CA10: variants seen among roughly 807,000 people sequenced by gnomAD.
The protein encoded by CA10 is carbonic anhydrase 10 (inactive).
A neutral mutation model predicts 44.2 loss-of-function variants in CA10; 14 were observed. The observed-to-expected ratio is 0.32, with a 90% CI of 0.21 to 0.50. The LOEUF (loss-of-function observed/expected upper bound fraction) is 0.50, where lower values mean the gene tolerates loss of function less well. Ranked by LOEUF, CA10 falls within the 20% of genes least tolerant of loss-of-function variation. CA10 has a pLI of 0.99. For missense variants in CA10, 350 were observed against 409.7 expected, an observed-to-expected ratio of 0.85 and a Z score of 1.26; for synonymous variants, 159 against 141.6, an observed-to-expected ratio of 1.12 and a Z score of -0.87.
intron 3 of CA10, among the ~76,000 whole-genome samples, chr17:51,751,513 C>T (rs921856174): frequency 3.9e-5 from 6 of 152,182 alleles, no homozygotes; most frequent in East Asian, 1.9e-4. Context: ...GATGGTCACA[C>T]GTGTTCATTC....
chr17:51,820,435 G>T (rs1484797047), intron 3 of CA10, among the ~76,000 whole-genome samples: 1 of 101,450 alleles, frequency 9.9e-6, no homozygotes, highest in East Asian at 3.1e-4. Context: ...CGATTTTCCT[G>T]TACAAAGTTA....
At chr17:51,744,697 C>T (rs1197834896) in intron 4 of CA10, among the ~76,000 whole-genome samples, 1 of 152,104 alleles carries the variant, frequency 6.6e-6, no homozygotes, top group Non-Finnish European at 1.5e-5. Context: ...ATCACTGTAT[C>T]GTTTTCATCG....
chr17:51,704,206 A>G (rs1394962936), intron 4 of CA10, among the ~76,000 whole-genome samples: 1 of 152,076 alleles, frequency 6.6e-6, no homozygotes, highest in South Asian at 2.1e-4. Flanking sequence ...CTATCCACCT[A>G]TTCTTCCGGC....
chr17:52,078,982 C>T (rs938078259), intron 1 of CA10, among the ~76,000 whole-genome samples: 20 of 152,158 alleles, frequency 1.3e-4, no homozygotes, highest in African/African-American at 4.8e-4. Flanking sequence ...GAGAATATAT[C>T]TTATTTTAAA....
At chr17:51,872,243 CCA>C (rs1423722036) in intron 3 of CA10, among the ~76,000 whole-genome samples, 5 of 152,154 alleles carry the variant, frequency 3.3e-5, no homozygotes, top group Admixed American at 2.6e-4. Context: ...AGGGTTTATT[CCA>C]CAGAGTGACT....
At chr17:52,159,109 A>AGACCCAGGC (rs1989887470), upstream of CA10, among the ~76,000 whole-genome samples, 1 of 152,136 alleles carries the variant, frequency 6.6e-6, no homozygotes, top group Non-Finnish European at 1.5e-5. Context: ...TCGGCGCGGG[A>AGACCCAGGC]GACCCAGGCA....
intron 8 of CA10, among the ~76,000 whole-genome samples, chr17:51,632,579 C>T (rs148135811): frequency 3.3e-5 from 5 of 152,160 alleles, no homozygotes; most frequent in African/African-American, 4.8e-5. Context: ...TATCCAGGCT[C>T]TTGTTTGCTT....
chr17:52,123,371 GGTGTGT>G (rs34184028), intron 1 of CA10, among the ~76,000 whole-genome samples: 3 of 146,244 alleles, frequency 2.1e-5, no homozygotes, highest in Admixed American at 1.4e-4. Context: ...ATATATATGG[GGTGTGT>G]GTGTGTGTGT....
intron 4 of CA10, among the ~76,000 whole-genome samples, chr17:51,691,094 G>A (rs1168034607): frequency 1.3e-5 from 2 of 152,164 alleles, no homozygotes; most frequent in Non-Finnish European, 2.9e-5. Context: ...CATATATACA[G>A]TACAGGGATT....
chr17:51,968,252 CAGATATT>C (rs1984153534), intron 2 of CA10, among the ~76,000 whole-genome samples: 4 of 151,834 alleles, frequency 2.6e-5, no homozygotes, highest in Non-Finnish European at 4.4e-5. Context: ...AACCTGTATG[CAGATATT>C]TATAGCAGCA....
chr17:51,637,095 T>C (rs1394947972), intron 6 of CA10, among the ~76,000 whole-genome samples: 1 of 152,114 alleles, frequency 6.6e-6, no homozygotes, highest in Non-Finnish European at 1.5e-5. Flanking sequence ...TTAATTGCAA[T>C]GTATCTCTCC....
chr17:52,084,699 C>T (rs1988073132), intron 1 of CA10, among the ~76,000 whole-genome samples: 1 of 152,200 alleles, frequency 6.6e-6, no homozygotes, highest in Admixed American at 6.5e-5. Context: ...ATGATCACAA[C>T]TGTCTTCTGC....
intron 2 of CA10, among the ~76,000 whole-genome samples, chr17:52,065,417 G>A (rs1567721508): frequency 6.6e-6 from 1 of 152,138 alleles, no homozygotes; most frequent in Non-Finnish European, 1.5e-5. Flanking sequence ...AAGGAATATT[G>A]CTGTCTATTC....
intron 1 of CA10, among the ~76,000 whole-genome samples, chr17:52,097,321 G>A (rs760483181): frequency 6.6e-6 from 1 of 152,112 alleles, no homozygotes; most frequent in Non-Finnish European, 1.5e-5. Flanking sequence ...CTGAATCCCA[G>A]TGAGGCTGAA....
intron 3 of CA10, among the ~76,000 whole-genome samples, chr17:51,815,384 G>A (rs1026819402): frequency 1.3e-5 from 2 of 152,198 alleles, no homozygotes; most frequent in Non-Finnish European, 2.9e-5. Context: ...TCCGTTGCCT[G>A]AGAGTCAGTG....
At chr17:51,820,405 A>ACCCCCCCCC (rs748623140) in intron 3 of CA10, among the ~76,000 whole-genome samples, 1 of 39,172 alleles carries the variant, frequency 2.6e-5, no homozygotes. Flanking sequence ...GGATTCCCCT[A>ACCCCCCCCC]CCCCCCCCCC....
chr17:51,989,811 T>C (rs1984977636), intron 2 of CA10, among the ~76,000 whole-genome samples: 1 of 152,120 alleles, frequency 6.6e-6, no homozygotes, highest in South Asian at 2.1e-4. Context: ...TTCTAGAAGC[T>C]CTTCAGCAGT....
chr17:52,064,345 G>A (rs1225150031), intron 2 of CA10, among the ~76,000 whole-genome samples: 1 of 152,174 alleles, frequency 6.6e-6, no homozygotes, highest in Admixed American at 6.5e-5. Context: ...AATAACAAAT[G>A]TGTGTCATTT....
intron 3 of CA10, among the ~76,000 whole-genome samples, chr17:51,858,326 C>T (rs928917428): frequency 2.6e-5 from 4 of 152,086 alleles, no homozygotes; most frequent in Non-Finnish European, 4.4e-5. Context: ...GGCATGGGTG[C>T]AATTTACCTG....
Sources: gnomAD v4.1 joint callset for allele counts (sites outside exome capture counted in the v4.1 genomes callset) on GRCh38, gnomAD v4.1.1 for gene constraint, MANE v1.5 for transcripts, NCBI Gene and HGNC (gene_info 2026-07-23, HGNC 2026-07-21) for gene names.